NUMB: variants seen among roughly 807,000 people sequenced by gnomAD.
NUMB encodes NUMB endocytic adaptor protein, also known as protein numb homolog.
A neutral mutation model predicts 59.7 loss-of-function variants in NUMB; 29 were observed. The observed-to-expected ratio is 0.49, with a 90% CI of 0.36 to 0.66. The LOEUF (loss-of-function observed/expected upper bound fraction) is 0.66, where lower values mean the gene tolerates loss of function less well. Among genes scored for constraint, NUMB ranks in the 30% least tolerant of loss-of-function variants. NUMB has a pLI of 0.00. For synonymous variants in NUMB, 288 were observed against 288.2 expected (o/e 1.00, Z 0.01); for missense variants, 723 against 822.0 (o/e 0.88, Z 1.47).
chr14:73,421,932 AG>A (rs1316151830), intron 1 of NUMB, among the ~76,000 whole-genome samples: 1 of 152,060 alleles, frequency 6.6e-6, no homozygotes, highest in Non-Finnish European at 1.5e-5. Context: ...TCAGGTCAGG[AG>A]TTTGAGCCCA....
At chr14:73,444,661 T>C (rs1347807115) in intron 1 of NUMB, among the ~76,000 whole-genome samples, 2 of 151,790 alleles carry the variant, frequency 1.3e-5, no homozygotes, top group Non-Finnish European at 2.9e-5. Flanking sequence ...AGATCGAGAC[T>C]TTCCTGGCCA....
chr14:73,352,483 T>C (rs1168890597), intron 4 of NUMB, among the ~76,000 whole-genome samples: 434 of 4,232 alleles, frequency 0.1, 6 homozygotes, highest in South Asian at 0.14. Context: ...CACACATATA[T>C]ATATATATAT....
chr14:73,332,403 G>A (rs1056984054), intron 4 of NUMB, among the ~76,000 whole-genome samples: 8 of 151,834 alleles, frequency 5.3e-5, no homozygotes, highest in Admixed American at 2.6e-4. Context: ...ACAGGCGTAC[G>A]CCACCACACC....
At chr14:73,278,131 AAAG>A (rs1445000184) in intron 12 of NUMB, among the ~76,000 whole-genome samples, 1 of 152,060 alleles carries the variant, frequency 6.6e-6, no homozygotes, top group Non-Finnish European at 1.5e-5. Flanking sequence ...AACAGAGCAA[AAAG>A]AAAATAACCA....
chr14:73,362,966 T>C (rs1296944910), intron 3 of NUMB, among the ~76,000 whole-genome samples: 1 of 151,370 alleles, frequency 6.6e-6, no homozygotes, highest in Non-Finnish European at 1.5e-5. Flanking sequence ...CTGGGCAACA[T>C]AGTGAGACCC....
intron 9 of NUMB, chr14:73,286,326 C>G (rs112857340): frequency 6.7e-6 from 1 of 148,854 alleles, no homozygotes; most frequent in African/African-American, 2.5e-5. Flanking sequence ...CTGTAAGCCA[C>G]TATACCTGGC....
chr14:73,440,222 TATATATGG>T (rs1485353412), intron 1 of NUMB, among the ~76,000 whole-genome samples: 115 of 150,292 alleles, frequency 7.7e-4, no homozygotes, highest in Middle Eastern at 6.9e-3. Flanking sequence ...TATCCATATA[TATATATGG>T]ATATCCATAT....
chr14:73,367,348 T>TATATAGAGAGAGAGAGAGAGAGAGAG (rs1555375287), intron 2 of NUMB, among the ~76,000 whole-genome samples: 1 of 105,328 alleles, frequency 9.5e-6, no homozygotes, highest in Non-Finnish European at 1.7e-5. Flanking sequence ...TATATATATA[T>TATATAGAGAGAGAGAGAGAGAGAGAG]AGAGAGAGAG....
rs869074049 is a variant in NUMB at position 73,389,272 on chromosome 14, C to CAAAAAAAA, written c.-101+20657_-101+20664dup. Among the ~76,000 whole-genome samples the CAAAAAAAA allele has an allele frequency of 3.1e-3, 203 of 66,300 alleles. 4 individuals carry two copies. Among genetic ancestry groups the CAAAAAAAA allele is most frequent in the African/African-American group, 8.9e-3 (151 of 17,010 alleles). The allele number at this position is 66,300 out of a possible 152,430, so 43.5% of individuals were successfully genotyped here. On this transcript the variant is annotated intron_variant, in intron 2 of 12. Transcript: ENST00000555238. ...GGTTACAGAGCGAGACTCCATCTCT[C>CAAAAAAAA]AAAAAAAAAAAAAAAAAAAAACAAA... is the stretch of plus-strand genomic sequence containing the variant.
At chr14:73,363,856 C>T (rs1016856109) in intron 3 of NUMB, among the ~76,000 whole-genome samples, 4 of 152,024 alleles carry the variant, frequency 2.6e-5, no homozygotes, top group South Asian at 2.1e-4. Context: ...GGCTGACGTG[C>T]GATGAAAACT....
chr14:73,447,882 C>CA (rs1883647511), intron 1 of NUMB, among the ~76,000 whole-genome samples: 1 of 151,622 alleles, frequency 6.6e-6, no homozygotes. Context: ...ACCCTACCCC[C>CA]AACCCTCGGG....
intron 1 of NUMB, among the ~76,000 whole-genome samples, chr14:73,450,785 T>A (rs1416769465): frequency 1.3e-5 from 2 of 149,490 alleles, no homozygotes; most frequent in African/African-American, 2.5e-5. Context: ...CGAGACCCCA[T>A]CTTAAAAAAA....
chr14:73,426,370 A>G lies in NUMB; in HGVS notation c.-232-16302T>C, dbSNP rs79794822. On this transcript the variant is annotated intron_variant, in intron 1 of 12. Transcript: ENST00000555238. ...GGTTCAGAAGCAGGCAGTGGCTGGG[A>G]GTCTGGCTTCCTTGGGGAACAGGCA... Among the ~76,000 whole-genome samples the G allele has an allele frequency of 6.8e-3, 1,039 of 152,278 alleles. 5 individuals are homozygous for G. Among genetic ancestry groups the G allele is most frequent in the South Asian group, 0.03 (144 of 4,828 alleles).
intron 2 of NUMB, among the ~76,000 whole-genome samples, chr14:73,387,184 TCAGG>T (rs1329720992): frequency 6.6e-6 from 1 of 152,060 alleles, no homozygotes; most frequent in Non-Finnish European, 1.5e-5. Context: ...GCCCGGCCTA[TCAGG>T]TGTCTTATTA....
chr14:73,283,770 C>T (rs1888796455), intron 10 of NUMB, among the ~76,000 whole-genome samples: 1 of 152,152 alleles, frequency 6.6e-6, no homozygotes. Context: ...AACTTGAGAC[C>T]CTTGATGTTT....
At chr14:73,444,399 A>C (rs1433523676) in intron 1 of NUMB, among the ~76,000 whole-genome samples, 2 of 124,514 alleles carry the variant, frequency 1.6e-5, no homozygotes. Flanking sequence ...ACTCCATCTC[A>C]AAAAAAAAAA....
intron 1 of NUMB, among the ~76,000 whole-genome samples, chr14:73,419,509 A>AAAAT (rs1019457103): frequency 5.9e-5 from 9 of 152,304 alleles, no homozygotes; most frequent in African/African-American, 1.2e-4. Flanking sequence ...ACTCCATCAC[A>AAAAT]AAATAAATAA....
At chr14:73,319,948 G>A (rs564405355) in intron 5 of NUMB, among the ~76,000 whole-genome samples, 27 of 152,160 alleles carry the variant, frequency 1.8e-4, no homozygotes, top group Admixed American at 3.9e-4. Flanking sequence ...TGGCCAACAC[G>A]GTGAAACTCT....
At chr14:73,380,264 A>T (rs1223567381) in intron 2 of NUMB, among the ~76,000 whole-genome samples, 1 of 152,206 alleles carries the variant, frequency 6.6e-6, no homozygotes, top group Non-Finnish European at 1.5e-5. Context: ...GGATTTTGTT[A>T]ATGAATTGGA....
Sources: allele counts gnomAD v4.1 joint callset (sites outside exome capture counted in the v4.1 genomes callset), GRCh38; gene constraint gnomAD v4.1.1; transcripts MANE v1.5; gene names NCBI Gene and HGNC (gene_info 2026-07-23, HGNC 2026-07-21).